The following AK3 variants were observed in gnomAD, a reference collection of about 807,000 sequenced individuals.
AK3 encodes adenylate kinase 3.
In AK3, 27 loss-of-function variants were observed where a neutral mutation model predicts 23.7. The ratio of observed to expected loss-of-function variants is 1.14; its 90% CI spans 0.84 to 1.57. The LOEUF is 1.57. Among genes scored for constraint, AK3 ranks in the 40% most tolerant of loss-of-function variants. The pLI is 0.00. For missense variants in AK3, 406 were observed against 285.6 expected (o/e 1.42, Z -3.04); for synonymous variants, 159 against 116.0 (o/e 1.37, Z -2.38).
intron 1 of AK3, among the ~76,000 whole-genome samples, chr9:4,735,696 T>G (rs986455577): frequency 6.7e-6 from 1 of 150,158 alleles, no homozygotes; most frequent in African/African-American, 2.4e-5. Context: ...CCCAAACCCC[T>G]GACCTCAAAT....
intron 1 of AK3, among the ~76,000 whole-genome samples, chr9:4,728,852 T>TACAC (rs1224091484): frequency 6.8e-3 from 177 of 26,050 alleles, no homozygotes; most frequent in South Asian, 0.019. Context: ...TATATATATA[T>TACAC]ATATATATAT....
chr9:4,735,400 CATATATAAATATATAT>C (rs1842261202), intron 1 of AK3, among the ~76,000 whole-genome samples: 1 of 91,506 alleles, frequency 1.1e-5, no homozygotes, highest in Non-Finnish European at 2.1e-5. Flanking sequence ...AATATATATA[CATATATAAATATATAT>C]ACATATATAA....
At chr9:4,716,901 A>T (rs1841751417) in intron 4 of AK3, among the ~76,000 whole-genome samples, 1 of 152,218 alleles carries the variant, frequency 6.6e-6, no homozygotes, top group African/African-American at 2.4e-5. Context: ...ACTGCACTCC[A>T]ACCTGGGTGA....
Position 4,709,567 on chromosome 9 carries a change from G to A in AK3, c.*3409C>T, listed in dbSNP as rs971156394. The A allele has an allele frequency of 8.5e-5, 13 of 152,250 alleles. No individual in the cohort carries two copies. Among genetic ancestry groups the A allele is most frequent in the African/African-American group, 2.9e-4 (12 of 41,536 alleles). The allele number at this position is 152,250 out of a possible 1,614,324, so 9.4% of individuals were successfully genotyped here. ...CAGTGCTGGACTGATTTACACTTAG[G>A]CATGACAGTTTATTCAGTGCTATAT... On this transcript the variant is annotated 3_prime_UTR_variant, in exon 5 of 5. Transcript: ENST00000381809.
chr9:4,728,556 G>A lies in AK3; in HGVS notation c.152-5931C>T, dbSNP rs1176114689. 2.6e-5 allele frequency among the ~76,000 whole-genome samples: 4 copies of A among 152,196 alleles called. No individual in the cohort carries two copies. The East Asian group carries it at 7.7e-4, about 29-fold the overall frequency. On this transcript the variant is annotated intron_variant, in intron 1 of 4. Transcript: ENST00000381809. ...ACTGCACTCCAGCCTGGGCAACAGA[G>A]TGAAACTGTGTCTCAAACAAAAAAA...
chr9:4,741,257 A>G (rs1443371853), upstream of AK3: 5 of 661,832 alleles, frequency 7.6e-6, no homozygotes, highest in African/African-American at 1.9e-5. Context: ...CCGCCCAGAC[A>G]GCGCGGGACC....
chr9:4,720,291 G>A (rs1392598939), intron 2 of AK3, among the ~76,000 whole-genome samples: 1 of 152,178 alleles, frequency 6.6e-6, no homozygotes, highest in Non-Finnish European at 1.5e-5. Flanking sequence ...ATAATACTTT[G>A]ATCACAAACT....
chr9:4,715,216 C>CAACAA, intron 4 of AK3, among the ~76,000 whole-genome samples: 1 of 56,986 alleles, frequency 1.8e-5, no homozygotes, highest in Middle Eastern at 7.7e-3. Flanking sequence ...GACTCCGTCT[C>CAACAA]AAAAAAAAAA....
At chr9:4,731,792 G>A (rs985857218) in intron 1 of AK3, among the ~76,000 whole-genome samples, 2 of 151,988 alleles carry the variant, frequency 1.3e-5, no homozygotes, top group Non-Finnish European at 2.9e-5. Flanking sequence ...TGAACAACAT[G>A]GATTTGAACC....
chr9:4,725,123 A>G (rs987638425), intron 1 of AK3, among the ~76,000 whole-genome samples: 1 of 150,768 alleles, frequency 6.6e-6, no homozygotes, highest in Non-Finnish European at 1.5e-5. Flanking sequence ...TCCCAGGTTC[A>G]AGTGATTCTC....
chr9:4,719,042 C>T, intron 3 of AK3, 93 bp downstream of exon 3: 1 of 1,452,632 alleles, frequency 6.9e-7, no homozygotes, highest in Non-Finnish European at 9.5e-7. Flanking sequence ...GAGTTTTGGT[C>T]AGAGGATTTC....
chr9:4,719,518 T>C (rs533311669), intron 2 of AK3, among the ~76,000 whole-genome samples: 1 of 152,248 alleles, frequency 6.6e-6, no homozygotes, highest in Admixed American at 6.5e-5. Context: ...TGCCCAGATA[T>C]TTGGCAAATA....
intron 1 of AK3, among the ~76,000 whole-genome samples, chr9:4,736,723 C>G (rs1273458851): frequency 6.6e-6 from 1 of 151,912 alleles, no homozygotes; most frequent in African/African-American, 2.4e-5. Flanking sequence ...CACTCTGTCA[C>G]TGTGAGTACT....
In AK3 at chr9:4,741,021, C is replaced by A. The variant is rs781223984; in HGVS notation, c.67G>T (p.Val23Leu). 10 of 1,589,718 alleles carry A rather than the reference C, an allele frequency of 6.3e-6. No homozygotes were observed. The Admixed American group carries it at 1.1e-4, about 17-fold the overall frequency. ...AAGTGTGTAGTGATGCGCGACGACA[C>A]GGTGCCCTTGCCCGAGCCCGGGGCC... is the stretch of plus-strand genomic sequence containing the variant. Reference protein sequence around the residue: ...MGAPGSGKGTVSSRITTHFEL... With the variant: ...MGAPGSGKGTLSSRITTHFEL... The change falls in exon 1 of 5, where the codon GTG becomes TTG. Residue 23 changes from valine to leucine, a missense_variant. Coordinates refer to ENST00000381809, the MANE Select transcript of AK3 (RefSeq NM_016282.4).
intron 1 of AK3, among the ~76,000 whole-genome samples, chr9:4,727,834 C>T (rs1842053133): frequency 6.6e-6 from 1 of 152,176 alleles, no homozygotes; most frequent in Non-Finnish European, 1.5e-5. Flanking sequence ...AGATGTGCCA[C>T]TCTCTTCCTT....
At chr9:4,719,979 G>A (rs990878602) in intron 2 of AK3, among the ~76,000 whole-genome samples, 4 of 152,070 alleles carry the variant, frequency 2.6e-5, no homozygotes, top group Non-Finnish European at 5.9e-5. Flanking sequence ...TGGGAGAATC[G>A]CTTGAACCCG....
chr9:4,736,149 T>C (rs1010796570), intron 1 of AK3, among the ~76,000 whole-genome samples: 1 of 151,178 alleles, frequency 6.6e-6, no homozygotes, highest in Non-Finnish European at 1.5e-5. Context: ...ATTTTGGTGA[T>C]GTCTGCACAA....
intron 1 of AK3, among the ~76,000 whole-genome samples, chr9:4,733,379 G>C (rs12350463): frequency 9.9e-5 from 15 of 152,082 alleles, no homozygotes; most frequent in Admixed American, 9.2e-4. Context: ...TCAACAAAGT[G>C]GTTACCTCTG....
intron 4 of AK3, among the ~76,000 whole-genome samples, chr9:4,714,736 T>C (rs1024546470): frequency 5.2e-4 from 79 of 152,242 alleles, no homozygotes; most frequent in African/African-American, 1.9e-3. Context: ...AAGGGCATCA[T>C]GTTGTTTGTA....
Sources: gnomAD v4.1 joint callset for allele counts (sites outside exome capture counted in the v4.1 genomes callset) on GRCh38, gnomAD v4.1.1 for gene constraint, MANE v1.5 for transcripts, NCBI Gene and HGNC (gene_info 2026-07-23, HGNC 2026-07-21) for gene names.